DENND1A: variants seen among roughly 807,000 people sequenced by gnomAD.
DENND1A encodes the protein DENN domain containing 1A.
DENND1A carries 51 observed loss-of-function variants against 113.7 expected under a neutral mutation model. The observed-to-expected ratio is 0.45, with a 90% CI of 0.36 to 0.57. The LOEUF is 0.57. Among genes scored for constraint, DENND1A ranks in the 20% least tolerant of loss-of-function variants. The pLI, the probability that DENND1A is intolerant of heterozygous loss-of-function variation, is 0.00. For missense variants in DENND1A, 1,258 were observed against 1,395.9 expected (o/e 0.90, Z 1.57); for synonymous variants, 565 against 570.8 (o/e 0.99, Z 0.14).
chr9:123,645,618 C>T (rs905563917), intron 9 of DENND1A, among the ~76,000 whole-genome samples: 1 of 152,162 alleles, frequency 6.6e-6, no homozygotes, highest in African/African-American at 2.4e-5. Flanking sequence ...ACAAGGAGAA[C>T]CCCACCTCCT....
At chr9:123,916,371 C>CTTTTTTT (rs545019678) in intron 1 of DENND1A, among the ~76,000 whole-genome samples, 1 of 126,664 alleles carries the variant, frequency 7.9e-6, no homozygotes, top group African/African-American at 3.0e-5. Context: ...TACGTATTTG[C>CTTTTTTT]TTTTTTTTTT....
chr9:123,780,004 C>A (rs1831049993), intron 3 of DENND1A, among the ~76,000 whole-genome samples: 1 of 152,042 alleles, frequency 6.6e-6, no homozygotes, highest in Admixed American at 6.5e-5. Flanking sequence ...CAGGCGCCCC[C>A]CCACCACGCC....
chr9:123,414,196 T>G (rs762187605), intron 19 of DENND1A: 1 of 1,073,612 alleles, frequency 9.3e-7, no homozygotes, highest in Non-Finnish European at 1.1e-6. Flanking sequence ...CAAGCCTTAC[T>G]GTCCTCATCT....
chr9:123,444,912 G>A (rs1041391253), intron 18 of DENND1A, among the ~76,000 whole-genome samples: 2 of 152,200 alleles, frequency 1.3e-5, no homozygotes, highest in African/African-American at 2.4e-5. Context: ...GGAGGAAGAC[G>A]CCAGACAGAG....
In DENND1A at chr9:123,592,629, A is replaced by G. The variant is rs187950323; in HGVS notation, c.766-9359T>C. ...GTATATGTCCACCTTGTAAAAACTC[A>G]GCTAGCTGTACATTTAGTGGGTTTC... On this transcript the variant is annotated intron_variant, in intron 11 of 23. Transcript: ENST00000394215. Among the ~76,000 whole-genome samples the G allele has an allele frequency of 2.2e-3, 334 of 152,298 alleles. 2 individuals carry two copies. Among genetic ancestry groups the G allele is most frequent in the Non-Finnish European group, 3.6e-3 (242 of 68,018 alleles).
chr9:123,770,644 T>G (rs1207122700), intron 3 of DENND1A, among the ~76,000 whole-genome samples: 1 of 152,224 alleles, frequency 6.6e-6, no homozygotes, highest in East Asian at 1.9e-4. Flanking sequence ...TGCACTTGAT[T>G]TGCTTTTTAA....
chr9:123,857,150 C>T (rs78060444), intron 2 of DENND1A, among the ~76,000 whole-genome samples: 3,294 of 151,348 alleles, frequency 0.022, 47 homozygotes, highest in Middle Eastern at 0.034. Flanking sequence ...CCAAAAGGAA[C>T]CTTGGGAAAA....
chr9:123,426,943 C>T (rs949115340), intron 19 of DENND1A, among the ~76,000 whole-genome samples: 1 of 152,170 alleles, frequency 6.6e-6, no homozygotes, highest in Admixed American at 6.5e-5. Flanking sequence ...ATGCACACTC[C>T]CATCTTAGAA....
intron 8 of DENND1A, among the ~76,000 whole-genome samples, chr9:123,661,105 C>T (rs1343778082): frequency 2.0e-5 from 3 of 152,214 alleles, no homozygotes; most frequent in Non-Finnish European, 4.4e-5. Flanking sequence ...CAGCACCGAG[C>T]ATTCAGCCCA....
intron 13 of DENND1A, among the ~76,000 whole-genome samples, chr9:123,528,426 G>C (rs1360308558): frequency 1.3e-5 from 2 of 152,142 alleles, no homozygotes; most frequent in African/African-American, 4.8e-5. Flanking sequence ...TTTATTGCTG[G>C]AGGCTTATGG....
At chr9:123,413,892 A>C (rs1588409963) in intron 19 of DENND1A, 1 of 984,198 alleles carries the variant, frequency 1.0e-6, no homozygotes, top group Non-Finnish European at 1.2e-6. Context: ...AGGGGAGCCC[A>C]CCCCCTCCAC....
In DENND1A at chr9:123,454,762, G is replaced by A; in HGVS notation, c.1204C>T (p.His402Tyr). 1 of 1,555,062 alleles carries A rather than the reference G, an allele frequency of 6.4e-7. No individual in the cohort carries two copies. The change falls in exon 16 of 24, where the codon CAT (histidine) becomes TAT (tyrosine). Residue 402 changes from histidine (H) to tyrosine (Y), a missense_variant. By Grantham distance (83) the His-to-Tyr change is moderately conservative. Transcript: ENST00000394215. ...ACCCGGACAGTGGAGAGCCACTGAT[G>A]GTACAGTTTGTCACTGCCTGGGGAA... ...GEYAGSDKLYHQWLSTVRKGS... is the reference protein window; with the variant it reads ...GEYAGSDKLYYQWLSTVRKGS...
At chr9:123,428,061 T>C (rs573227968) in intron 19 of DENND1A, among the ~76,000 whole-genome samples, 1 of 152,294 alleles carries the variant, frequency 6.6e-6, no homozygotes, top group Admixed American at 6.5e-5. Context: ...CCCAACACTT[T>C]GGGAGGCTGA....
chr9:123,902,161 T>TCACACACACA (rs1232745098), intron 1 of DENND1A, among the ~76,000 whole-genome samples: 15 of 128,222 alleles, frequency 1.2e-4, no homozygotes, highest in Non-Finnish European at 1.8e-4. Context: ...TACTCATGGG[T>TCACACACACA]CACACACACA....
intron 2 of DENND1A, among the ~76,000 whole-genome samples, chr9:123,810,802 A>T (rs868063552): frequency 6.9e-6 from 1 of 145,172 alleles, no homozygotes; most frequent in Admixed American, 7.1e-5. Flanking sequence ...CTTGTCACCC[A>T]GGCTGGAGTG....
chr9:123,854,461 C>T (rs750955295), intron 2 of DENND1A, among the ~76,000 whole-genome samples: 3 of 151,930 alleles, frequency 2.0e-5, no homozygotes, highest in Admixed American at 6.5e-5. Context: ...TTTGGGAGGC[C>T]GAGGTGGGTG....
intron 11 of DENND1A, among the ~76,000 whole-genome samples, chr9:123,586,326 C>T (rs1328030026): frequency 6.6e-6 from 1 of 152,180 alleles, no homozygotes. Context: ...CCCAGTGGCA[C>T]AGACCAGCCC....
intron 5 of DENND1A, among the ~76,000 whole-genome samples, chr9:123,724,664 T>C (rs1215740710): frequency 6.6e-6 from 1 of 152,174 alleles, no homozygotes; most frequent in Non-Finnish European, 1.5e-5. Flanking sequence ...AGCTTTCTCT[T>C]CAAGGCTGTG....
chr9:123,440,088 T>C lies in DENND1A; in HGVS notation c.1488+272A>G, dbSNP rs1390812789. ...ACAGAGGCACCTTAAGCAGAGTGCC[T>C]TGGAGTACGGGAGGCAGCAGTGCAT... is the stretch of plus-strand genomic sequence containing the variant. On this transcript the variant is annotated intron_variant, in intron 19 of 23. Coordinates refer to ENST00000394215, the MANE Select transcript of DENND1A (RefSeq NM_001352964.2). 19 of 318,602 alleles carry C rather than the reference T, an allele frequency of 6.0e-5. No homozygotes were observed. In the East Asian group the frequency reaches 1.5e-3, roughly 26 times the overall value. The allele number at this position is 318,602 out of a possible 1,614,324, so 19.7% of individuals were successfully genotyped here.
Sources: allele counts gnomAD v4.1 joint callset (sites outside exome capture counted in the v4.1 genomes callset), GRCh38; gene constraint gnomAD v4.1.1; transcripts MANE v1.5; gene names NCBI Gene and HGNC (gene_info 2026-07-23, HGNC 2026-07-21).